ITSN1: variants seen among roughly 807,000 people sequenced by gnomAD.
ITSN1 encodes the protein intersectin 1, also known as intersectin-1.
In ITSN1, 58 loss-of-function variants were observed where a neutral mutation model predicts 239.8. The ratio of observed to expected loss-of-function variants is 0.24; its 90% confidence interval spans 0.20 to 0.30. The LOEUF (loss-of-function observed/expected upper bound fraction) is 0.30. Among genes scored for constraint, ITSN1 ranks in the 10% least tolerant of loss-of-function variants. The pLI is 1.00. For synonymous variants in ITSN1, 780 were observed against 770.8 expected (o/e 1.01, Z -0.20); for missense variants, 1,558 against 2,103.3 (o/e 0.74, Z 5.07).
chr21:33,727,139 C>T (rs986862511), intron 4 of ITSN1, among the ~76,000 whole-genome samples: 3 of 152,026 alleles, frequency 2.0e-5, no homozygotes, highest in Non-Finnish European at 4.4e-5. Context: ...AAATTATAAC[C>T]GTGGCCAAAG....
At chr21:33,817,652 C>A (rs2073378583) in intron 22 of ITSN1, 6 of 1,216,686 alleles carry the variant, frequency 4.9e-6, no homozygotes, top group Non-Finnish European at 6.3e-6. Context: ...CCTAAATTAT[C>A]TGGGGGAGGC....
At chr21:33,701,036 G>A (rs1369465167) in intron 1 of ITSN1, among the ~76,000 whole-genome samples, 1 of 151,446 alleles carries the variant, frequency 6.6e-6, no homozygotes, top group Non-Finnish European at 1.5e-5. Context: ...CTGAAGTGCA[G>A]TGGTGCAATC....
At chr21:33,716,125 A>G (rs1363041345) in intron 1 of ITSN1, among the ~76,000 whole-genome samples, 1 of 152,092 alleles carries the variant, frequency 6.6e-6, no homozygotes, top group Non-Finnish European at 1.5e-5. Flanking sequence ...TGCCCCAGGG[A>G]TATCTTGAGA....
Position 33,888,163 on chromosome 21 carries a change from C to T in ITSN1, c.5029C>T (p.Arg1677Trp). The change falls in exon 40 of 40, where the codon CGG becomes TGG. Residue 1677 changes from arginine to tryptophan, a missense_variant. Coordinates refer to ENST00000381318, the MANE Select transcript of ITSN1 (RefSeq NM_003024.3). Reference protein sequence around the residue: ...DQFSPDDFLGRTEIRVADIKK... With the variant: ...DQFSPDDFLGWTEIRVADIKK... ...TGTTCTCTTTTCAGATTTTTTGGGT[C>T]GGACGGAGATCCGTGTGGCGGACAT... 2 of 1,613,844 alleles carry T rather than the reference C, an allele frequency of 1.2e-6. No individual in the cohort carries two copies. Among genetic ancestry groups the T allele is most frequent in the Non-Finnish European group, 1.7e-6 (2 of 1,179,930 alleles).
intron 5 of ITSN1, among the ~76,000 whole-genome samples, chr21:33,743,871 C>T (rs1277072206): frequency 6.6e-6 from 1 of 152,046 alleles, no homozygotes; most frequent in Non-Finnish European, 1.5e-5. Flanking sequence ...AAGAACAAGC[C>T]AAGGATTTTG....
chr21:33,761,725 C>CTG (rs937700158), intron 8 of ITSN1, among the ~76,000 whole-genome samples, 198 bp from the exon 9 acceptor site: 10 of 152,264 alleles, frequency 6.6e-5, no homozygotes, highest in African/African-American at 2.2e-4. Context: ...GTGTCAGATG[C>CTG]TGTGCTCTGT....
chr21:33,664,747 A>G (rs1169737291), intron 1 of ITSN1, among the ~76,000 whole-genome samples: 1 of 152,208 alleles, frequency 6.6e-6, no homozygotes, highest in Non-Finnish European at 1.5e-5. Context: ...AATGATTGTT[A>G]TTATTCTTAT....
At chr21:33,728,626 A>G (rs1444697213) in intron 4 of ITSN1, among the ~76,000 whole-genome samples, 1 of 152,112 alleles carries the variant, frequency 6.6e-6, no homozygotes, top group African/African-American at 2.4e-5. Context: ...AGTTCCTCAC[A>G]TCGCAGGTTC....
chr21:33,851,984 C>T (rs2148464497), intron 29 of ITSN1, among the ~76,000 whole-genome samples: 1 of 151,928 alleles, frequency 6.6e-6, no homozygotes, highest in South Asian at 2.1e-4. Flanking sequence ...GGGTGTCTCT[C>T]ACTATGTTGC....
intron 29 of ITSN1, among the ~76,000 whole-genome samples, chr21:33,850,961 C>A (rs1978293995): frequency 6.6e-6 from 1 of 152,138 alleles, no homozygotes; most frequent in Admixed American, 6.5e-5. Context: ...GTAGCATAGA[C>A]CCTGCTGATC....
rs1985096664 is a variant in ITSN1 at position 33,882,546 on chromosome 21, A to G, written c.4554+91A>G. ...AAGGAGGTAGAGTTTTAGCAGGGTC[A>G]GGGGCTGTGGCATGCAGGAGAAGGC... On this transcript the variant is annotated intron_variant, in intron 35 of 39. Transcript: ENST00000381318. This position sits in a 1 kb window ranked among gnomAD's most constrained non-coding sequence, Gnocchi z 4.5. The G allele has an allele frequency of 1.8e-6, 2 of 1,109,368 alleles. No homozygotes were observed. The highest frequency in any genetic ancestry group is 1.5e-5 in the South Asian group (1 of 67,170). 68.7% of individuals were successfully genotyped at this position (1,109,368 alleles called of 1,614,324 possible).
chr21:33,791,171 T>C (rs1208806508), intron 16 of ITSN1, among the ~76,000 whole-genome samples: 1 of 151,582 alleles, frequency 6.6e-6, no homozygotes, highest in African/African-American at 2.4e-5. Context: ...GTAAACTCTT[T>C]AAGTCCAAGA....
Position 33,721,191 on chromosome 21 carries a change from C to T in ITSN1, c.42C>T (p.Ile14=). Residue 14 remains isoleucine, a synonymous_variant, in exon 3 of 40, where the codon ATC becomes ATT. Coordinates refer to ENST00000381318, the MANE Select transcript of ITSN1 (RefSeq NM_003024.3). ...FPTPFGGSLD[I]WAITVEERAK... is the part of the protein sequence containing the mutation. Reference sequence around the variant, plus strand: ...TTTGGATTTTAGGCAGCCTGGATATCTGGGCCATAACTGTAGAGGAAAGAG... The same window carrying T: ...TTTGGATTTTAGGCAGCCTGGATATTTGGGCCATAACTGTAGAGGAAAGAG... 1.2e-6 allele frequency: 2 copies of T among 1,612,708 alleles called. No homozygotes were observed.
chr21:33,781,973 T>G (rs772397270), intron 15 of ITSN1, 21 bp from the exon 16 acceptor site: 1 of 1,573,682 alleles, frequency 6.4e-7, no homozygotes, highest in Non-Finnish European at 8.6e-7. Flanking sequence ...TTCTTATCTT[T>G]GCGACGTTTT....
In ITSN1 at chr21:33,767,838, C is replaced by A. The variant is rs763776781; in HGVS notation, c.1042+10C>A. ...GAAAAGAAATTACCTGGTAAGGCAG[C>A]CTTTATGTTGAGTTAAATCATTTAG... On this transcript the variant is annotated intron_variant, in intron 11 of 39. Coordinates refer to ENST00000381318, the MANE Select transcript of ITSN1 (RefSeq NM_003024.3). The A allele has an allele frequency of 1.1e-5, 16 of 1,418,418 alleles. No individual in the cohort carries two copies. Among genetic ancestry groups the A allele is most frequent in the Non-Finnish European group, 1.4e-5 (14 of 1,004,674 alleles). The allele number at this position is 1,418,418 out of a possible 1,614,324, so 87.9% of individuals were successfully genotyped here. A position where few individuals can be genotyped will look rare whatever the true frequency, so the allele number is the denominator to read the frequency against.
intron 25 of ITSN1, among the ~76,000 whole-genome samples, chr21:33,825,048 A>G (rs763605706): frequency 2.0e-5 from 3 of 152,212 alleles, no homozygotes; most frequent in African/African-American, 4.8e-5. Context: ...GCCAAACTCA[A>G]TTTCTACTAC....
intron 5 of ITSN1, among the ~76,000 whole-genome samples, chr21:33,740,708 G>C (rs1202682585): frequency 1.3e-5 from 2 of 152,150 alleles, no homozygotes; most frequent in Non-Finnish European, 2.9e-5. Context: ...TATTTAGAAA[G>C]TCATTCATTC....
chr21:33,817,305 C>G, intron 22 of ITSN1: 1 of 1,304,418 alleles, frequency 7.7e-7, no homozygotes, highest in South Asian at 1.2e-5. Context: ...TCCCGGACCC[C>G]CTGCAGTGTT....
intron 1 of ITSN1, among the ~76,000 whole-genome samples, chr21:33,655,331 A>G (rs2088949609): frequency 6.6e-6 from 1 of 152,138 alleles, no homozygotes; most frequent in Non-Finnish European, 1.5e-5. Flanking sequence ...GCAAAAACCA[A>G]TACTAGGGAC....
Sources: allele counts gnomAD v4.1 joint callset (sites outside exome capture counted in the v4.1 genomes callset), GRCh38; gene constraint gnomAD v4.1.1; non-coding constraint Gnocchi (gnomAD v3.1); transcripts MANE v1.5; gene names NCBI Gene and HGNC (gene_info 2026-07-23, HGNC 2026-07-21).